Variants in APOB observed in about 807,000 individuals in gnomAD.
APOB encodes apolipoprotein B, also known as apolipoprotein B-100.
Under a neutral mutation model 314.1 loss-of-function variants are expected in APOB, and 153 were observed. The ratio of observed to expected loss-of-function variants is 0.49; its 90% CI spans 0.43 to 0.56. The LOEUF (loss-of-function observed/expected upper bound fraction) is 0.56. Among genes scored for constraint, APOB ranks in the 20% least tolerant of loss-of-function variants. The probability of loss-of-function intolerance (pLI) is 0.00; values close to 1 mark genes in which losing one functional copy is unlikely to be tolerated. For synonymous variants in APOB, 2,087 were observed against 2,036.4 expected, an observed-to-expected ratio of 1.02 and a Z score of -0.67; for missense variants, 5,430 against 5,350.7, an observed-to-expected ratio of 1.01 and a Z score of -0.46.
chr2:21,004,291 C>T lies in APOB; in HGVS notation c.12065G>A (p.Trp4022Ter), dbSNP rs753413428. ...DMDEDDDFSK[W>*]NFYYSPQSSP... ...TACCTGAGGGCTGTAGTAGAAGTTCCATTTAGAAAAGTCGTCATCTTCATC... is the reference window on the plus strand; with the variant it reads ...TACCTGAGGGCTGTAGTAGAAGTTCTATTTAGAAAAGTCGTCATCTTCATC... Residue 4022 changes from tryptophan (W) to a stop codon, truncating the protein, a stop_gained, in exon 28 of 29, where the codon TGG (tryptophan) becomes TAG (stop). Transcript: ENST00000233242. LOFTEE classifies it low-confidence loss of function (END_TRUNC). 6.2e-7 allele frequency: 1 copy of T among 1,613,956 alleles called. No individual in the cohort carries two copies. The highest frequency in any genetic ancestry group is 8.5e-7 in the Non-Finnish European group (1 of 1,179,890).
rs767888168 is a variant in APOB, at chr2:21,034,866, G to A, written c.854C>T (p.Thr285Ile). 7 of 1,603,924 alleles carry A rather than the reference G, an allele frequency of 4.4e-6. No individual in the cohort carries two copies. The East Asian group carries it at 1.1e-4, about 26-fold the overall frequency. The change falls in exon 8 of 29, where the codon ACT becomes ATT. Residue 285 changes from threonine to isoleucine, a missense_variant. Thr to Ile is a moderately conservative substitution (Grantham distance 89). Transcript: ENST00000233242. Reference protein sequence around the residue: ...KYGMVAQVTQTLKLEDTPKIN... With the variant: ...KYGMVAQVTQILKLEDTPKIN... ...CTTTGGTGTGTCTTCAAGTTTCAAAGTCTGTGTCACTTGTGCTACCATCCC... is the reference window on the plus strand; with the variant it reads ...CTTTGGTGTGTCTTCAAGTTTCAAAATCTGTGTCACTTGTGCTACCATCCC...
In APOB at chr2:21,044,073, T is replaced by C. The variant is rs1319302345; in HGVS notation, c.-128A>G. 1 of 385,916 alleles carries C rather than the reference T, an allele frequency of 2.6e-6. No individual in the cohort carries two copies. Among genetic ancestry groups the C allele is most frequent in the Non-Finnish European group, 4.3e-6 (1 of 233,296 alleles). 23.9% of individuals were successfully genotyped at this position (385,916 alleles called of 1,614,324 possible). A position where few individuals can be genotyped will look rare whatever the true frequency, so the allele number is the denominator to read the frequency against. On this transcript the variant is annotated 5_prime_UTR_variant, in exon 1 of 29. Transcript: ENST00000233242. ...TCAGCCCCGCAGGTCCCGGTGGGAA[T>C]GCGCGGCCGGCGCCCGCACCCCATT...
intron 1 of APOB, 103 bp from the exon 2 acceptor site, chr2:21,043,654 G>A (rs1664190940): frequency 2.3e-5 from 35 of 1,527,450 alleles, no homozygotes; most frequent in Non-Finnish European, 6.2e-6. Flanking sequence ...TTTCAGGAGG[G>A]AGGCAGGCTC....
rs1663539854 is a variant in APOB, at chr2:21,019,091, T to C, written c.3022A>G (p.Thr1008Ala). ...DTRLELELRP[T>A]GEIEQYSVSA... is the part of the protein sequence containing the mutation. Reference sequence around the variant, plus strand: ...ACAGAATACTGCTCAATCTCTCCTGTAGGCCTCAGTTCCAGCTCTAATCTA... The same window carrying C: ...ACAGAATACTGCTCAATCTCTCCTGCAGGCCTCAGTTCCAGCTCTAATCTA... The change falls in exon 20 of 29, where the codon ACA (threonine) becomes GCA (alanine). Residue 1008 changes from threonine to alanine, a missense_variant. Physicochemically the swap from Thr to Ala is moderately conservative, Grantham distance 58 (BLOSUM62 0). Around this residue, in one of 3 missense-constraint regions of APOB, gnomAD observed 2,085 missense variants for 2,079.7 expected, o/e 1.00. Coordinates refer to ENST00000233242, the MANE Select transcript of APOB (RefSeq NM_000384.3). 2 of 1,614,058 alleles carry C rather than the reference T, an allele frequency of 1.2e-6. No individual in the cohort carries two copies. The highest frequency in any genetic ancestry group is 1.1e-5 in the South Asian group (1 of 91,082).
chr2:21,032,715 T>C, intron 9 of APOB, 134 bp from the exon 10 acceptor site: 1 of 737,568 alleles, frequency 1.4e-6, no homozygotes, highest in Non-Finnish European at 2.4e-6. Flanking sequence ...AAAACCCAAC[T>C]TGGAGCTCAG....
At position 21,023,660 on chromosome 2, in the gene APOB, A is replaced by G. The variant is rs1008474491; in HGVS notation, c.2469T>C (p.Asn823=). The change falls in exon 17 of 29, where the codon AAT becomes AAC. Residue 823 remains asparagine, a synonymous_variant. Transcript: ENST00000233242. The stretch of plus-strand genomic sequence containing the variant: ...TGAAGATGTAGTGAAGAAAAAAGTC[A>G]TTCTTTGAGCCCTTCCTGATGACCT... ...IGEVIRKGSK[N]DFFLHYIFME... The G allele has an allele frequency of 1.9e-6, 3 of 1,612,730 alleles. No homozygotes were observed. Among genetic ancestry groups the G allele is most frequent in the Admixed American group, 3.3e-5 (2 of 59,992 alleles).
Position 21,006,577 on chromosome 2 carries a change from C to G in APOB, c.10291G>C (p.Ala3431Pro). 1 of 1,614,056 alleles carries G rather than the reference C, an allele frequency of 6.2e-7. No individual in the cohort carries two copies. Among genetic ancestry groups the G allele is most frequent in the Non-Finnish European group, 8.5e-7 (1 of 1,179,964 alleles). The change falls in exon 26 of 29, where the codon GCC becomes CCC. Residue 3431 changes from alanine to proline, a missense_variant. This residue lies in a region of APOB where 3,281 missense variants were observed against 3,171.0 expected (regional missense o/e 1.03). Transcript: ENST00000233242. Reference sequence around the variant, plus strand: ...TTCATTCTCAAAATTGGAATTTGGGCTTTTGTGGTTGTTGCCACTGACACT... The same window carrying G: ...TTCATTCTCAAAATTGGAATTTGGGGTTTTGTGGTTGTTGCCACTGACACT... ...MEVSVATTTK[A>P]QIPILRMNFK...
In APOB at chr2:21,011,433, C is replaced by T; in HGVS notation, c.5435G>A (p.Gly1812Glu). The T allele has an allele frequency of 1.2e-6, 2 of 1,614,032 alleles. No individual in the cohort carries two copies. The highest frequency in any genetic ancestry group is 1.7e-6 in the Non-Finnish European group (2 of 1,180,008). The change falls in exon 26 of 29, where the codon GGG becomes GAG. Residue 1812 changes from glycine to glutamate, a missense_variant. This residue lies in a region of APOB where 64 missense variants were observed against 99.9 expected (regional missense o/e 0.64). Transcript: ENST00000233242. ...KYNALDLTNN[G>E]KLRLEPLKLH... ...CTTCAGGGGTTCTAGCCGTAGTTTCCCATTGTTGGTGAGATCCAGAGCATT... is the reference window on the plus strand; with the variant it reads ...CTTCAGGGGTTCTAGCCGTAGTTTCTCATTGTTGGTGAGATCCAGAGCATT...
chr2:21,022,907 G>A lies in APOB; in HGVS notation c.2740C>T (p.His914Tyr), dbSNP rs775976285. Reference sequence around the variant, plus strand: ...AGCTTCCCAGCTTTTAGGGCAACATGAGCCTCCAGACCCGACTCGTGGAAG... The same window carrying A: ...AGCTTCCCAGCTTTTAGGGCAACATAAGCCTCCAGACCCGACTCGTGGAAG... ...NFFHESGLEAHVALKAGKLKF... is the reference protein window; with the variant it reads ...NFFHESGLEAYVALKAGKLKF... The change falls in exon 18 of 29, where the codon CAT becomes TAT. Residue 914 changes from histidine to tyrosine, a missense_variant. Physicochemically the swap from His to Tyr is moderately conservative, Grantham distance 83 (BLOSUM62 2). This residue lies in a region of APOB where 2,085 missense variants were observed against 2,079.7 expected (regional missense o/e 1.00). Transcript: ENST00000233242. The A allele has an allele frequency of 1.9e-5, 31 of 1,614,038 alleles. No homozygotes were observed. Among genetic ancestry groups the A allele is most frequent in the Middle Eastern group, 1.6e-4 (1 of 6,084 alleles).
intron 23 of APOB, 47 bp downstream of exon 23, chr2:21,015,026 T>G (rs1387982633): frequency 5.2e-6 from 8 of 1,544,758 alleles, no homozygotes; most frequent in Non-Finnish European, 6.3e-6. Context: ...GAGGATGTAA[T>G]TAGCACTTAT....
chr2:21,041,211 C>G (rs1664125250), intron 3 of APOB, 128 bp from the exon 4 acceptor site: 1 of 912,850 alleles, frequency 1.1e-6, no homozygotes, highest in Non-Finnish European at 1.7e-6. Flanking sequence ...CTGCCTGCGC[C>G]TCAACACCAC....
At chr2:21,029,553 A>T in intron 12 of APOB, 86 bp downstream of exon 12, 1 of 1,452,494 alleles carries the variant, frequency 6.9e-7, no homozygotes, top group Non-Finnish European at 9.6e-7. Flanking sequence ...AAGTCAGTAG[A>T]TGAAATCTAG....
intron 3 of APOB, among the ~76,000 whole-genome samples, chr2:21,041,562 C>A (rs1216259819): frequency 6.6e-6 from 1 of 152,216 alleles, no homozygotes; most frequent in Non-Finnish European, 1.5e-5. Flanking sequence ...GGAGTTTCAA[C>A]GGATTCCTAC....
intron 9 of APOB, 33 bp downstream of exon 9, chr2:21,033,266 T>G (rs1234075594): frequency 1.1e-5 from 17 of 1,565,954 alleles, no homozygotes; most frequent in Non-Finnish European, 1.5e-5. Flanking sequence ...TACCATCAGT[T>G]TTATAAAAAG....
chr2:21,013,465 C>A lies in APOB; in HGVS notation c.3911G>T (p.Gly1304Val), dbSNP rs142798172. 28 of 1,614,156 alleles carry A rather than the reference C, an allele frequency of 1.7e-5. No homozygotes were observed. Among genetic ancestry groups the A allele is most frequent in the Middle Eastern group, 1.7e-4 (1 of 6,054 alleles). Residue 1304 changes from glycine to valine, a missense_variant, in exon 25 of 29, where the codon GGC becomes GTC. By Grantham distance (109) the Gly-to-Val change is moderately radical. Around this residue, in one of 3 missense-constraint regions of APOB, gnomAD observed 2,085 missense variants for 2,079.7 expected, o/e 1.00. Coordinates refer to ENST00000233242, the MANE Select transcript of APOB (RefSeq NM_000384.3). ...CATCTTTAGATCTCTGGAGGATTTG[C>A]CACCAAAAGGCAAAGGAATCTCAAT... ...LKIEIPLPFG[G>V]KSSRDLKMLE...
Position 21,019,886 on chromosome 2 carries a change from A to C in APOB, c.2836T>G (p.Ser946Ala), listed in dbSNP as rs1319116118. ...LSGGNTLHLV[S>A]TTKTEVIPPL... ...GGGATCACCTCCGTTTTGGTGGTAG[A>C]GACCAAATGTAATGTGTTGCTGGTG... Residue 946 changes from serine (S) to alanine (A), a missense_variant, in exon 19 of 29, where the codon TCT (serine) becomes GCT (alanine). Transcript: ENST00000233242. The C allele has an allele frequency of 6.2e-7, 1 of 1,614,232 alleles. No individual in the cohort carries two copies.
chr2:21,043,688 C>G, intron 1 of APOB, 137 bp from the exon 2 acceptor site: 2 of 1,496,768 alleles, frequency 1.3e-6, no homozygotes, highest in South Asian at 1.2e-5. Flanking sequence ...CTCAGCCCCT[C>G]CATCCCGCGC....
chr2:21,003,311 G>A lies in APOB; in HGVS notation c.12111C>T (p.Thr4037=), dbSNP rs1018981649. 6.2e-7 allele frequency: 1 copy of A among 1,612,998 alleles called. No homozygotes were observed. The highest frequency in any genetic ancestry group is 8.5e-7 in the Non-Finnish European group (1 of 1,179,786). The change falls in exon 29 of 29, where the codon ACC becomes ACT. Residue 4037 remains threonine, a synonymous_variant. Coordinates refer to ENST00000233242, the MANE Select transcript of APOB (RefSeq NM_000384.3). ...SPQSSPDKKL[T]IFKTELRVRE... ...GGACCCTCAACTCAGTTTTGAATAT[G>A]GTGAGTTTTTTATCTGGAGAGGACT...
intron 13 of APOB, 119 bp downstream of exon 13, chr2:21,028,208 C>A: frequency 8.8e-7 from 1 of 1,141,464 alleles, no homozygotes; most frequent in South Asian, 1.2e-5. Context: ...AGATCTGCTA[C>A]ACATTTGCAC....
Sources: gnomAD v4.1 joint callset for allele counts (sites outside exome capture counted in the v4.1 genomes callset) on GRCh38, gnomAD v4.1.1 for gene constraint, gnomAD v4.1.1 regional missense constraint, MANE v1.5 for transcripts, NCBI Gene and HGNC (gene_info 2026-07-23, HGNC 2026-07-21) for gene names.